The following RTN4 variants were observed in gnomAD, a reference collection of about 807,000 sequenced individuals.
The protein encoded by RTN4 is reticulon-4.
A neutral mutation model predicts 90.4 loss-of-function variants in RTN4; 32 were observed. The observed-to-expected ratio is 0.35, with a 90% CI of 0.27 to 0.48. RTN4 has a LOEUF of 0.48. RTN4 is among the 20% of genes least tolerant of loss of function. The probability of loss-of-function intolerance (pLI) is 0.99; values close to 1 mark genes in which losing one functional copy is unlikely to be tolerated. For missense variants in RTN4, 1,706 were observed against 1,430.2 expected (o/e 1.19, Z -3.11); for synonymous variants, 629 against 552.5 (o/e 1.14, Z -1.94).
chr2:54,975,187 C>T (rs1677519453), intron 5 of RTN4, among the ~76,000 whole-genome samples: 1 of 152,186 alleles, frequency 6.6e-6, no homozygotes, highest in Non-Finnish European at 1.5e-5. Flanking sequence ...AATATCTCAG[C>T]TGATAAGCAA....
At chr2:55,020,751 T>C (rs1681368257) in intron 3 of RTN4, among the ~76,000 whole-genome samples, 1 of 152,200 alleles carries the variant, frequency 6.6e-6, no homozygotes, top group Admixed American at 6.5e-5. Context: ...GGCTCACACC[T>C]GTAATCCCAG....
At chr2:55,077,965 G>A (rs939162883) in intron 2 of RTN4, among the ~76,000 whole-genome samples, 3 of 152,030 alleles carry the variant, frequency 2.0e-5, no homozygotes, top group African/African-American at 4.8e-5. Context: ...CTGTGAGGAT[G>A]CAAAGGCATA....
intron 1 of RTN4, among the ~76,000 whole-genome samples, chr2:55,032,083 G>A (rs540067137): frequency 1.1e-4 from 17 of 151,098 alleles, no homozygotes; most frequent in Non-Finnish European, 1.9e-4. Context: ...CGTTGGATTC[G>A]CACTTTTTTT....
chr2:55,011,120 A>C (rs1221400198), intron 3 of RTN4, among the ~76,000 whole-genome samples: 1 of 152,090 alleles, frequency 6.6e-6, no homozygotes, highest in African/African-American at 2.4e-5. Flanking sequence ...TGGCAACCTC[A>C]ACCTCCCAGG....
upstream of RTN4, among the ~76,000 whole-genome samples, chr2:55,115,200 G>C (rs1459352886): frequency 6.6e-6 from 1 of 152,198 alleles, no homozygotes; most frequent in Non-Finnish European, 1.5e-5. Context: ...AGTCTGACAT[G>C]AATCTTACTA....
chr2:55,045,389 A>G (rs1683354232), intron 1 of RTN4, among the ~76,000 whole-genome samples: 1 of 152,212 alleles, frequency 6.6e-6, no homozygotes, highest in Non-Finnish European at 1.5e-5. Flanking sequence ...ATACTCTTAT[A>G]TTCCTCCCTT....
chr2:55,122,936 A>G, the RTN4 span, among the ~76,000 whole-genome samples: 2 of 152,254 alleles, frequency 1.3e-5, no homozygotes, highest in African/African-American at 2.4e-5. Flanking sequence ...ATACAAATGT[A>G]CACATGGACA....
At chr2:55,052,089 G>A (rs1318946337), upstream of RTN4, among the ~76,000 whole-genome samples, 1 of 152,186 alleles carries the variant, frequency 6.6e-6, no homozygotes, top group Non-Finnish European at 1.5e-5. Flanking sequence ...GAACACAGAA[G>A]ATTTTGGGGG....
chr2:55,038,783 T>C (rs1034959464), intron 1 of RTN4, among the ~76,000 whole-genome samples: 1 of 152,190 alleles, frequency 6.6e-6, no homozygotes, highest in African/African-American at 2.4e-5. Flanking sequence ...TGAAAATATA[T>C]GCATACAAAA....
At chr2:55,119,188 C>T in the RTN4 span, among the ~76,000 whole-genome samples, 1 of 152,154 alleles carries the variant, frequency 6.6e-6, no homozygotes, top group South Asian at 2.1e-4. Flanking sequence ...AGCGCCCTGA[C>T]CTATTTTTTG....
At chr2:55,061,306 C>A (rs533988244) in intron 2 of RTN4, among the ~76,000 whole-genome samples, 2 of 152,208 alleles carry the variant, frequency 1.3e-5, no homozygotes, top group Admixed American at 1.3e-4. Flanking sequence ...TCAGGTGATC[C>A]ACCCACCATG....
rs201155529 is a variant in RTN4, at chr2:55,026,066, T to G, written c.2033A>C (p.Lys678Thr). The change falls in exon 3 of 9, where the codon AAA (lysine) becomes ACA (threonine). Residue 678 changes from lysine to threonine, a missense_variant. Lys to Thr is a moderately conservative substitution (Grantham distance 78). Coordinates refer to ENST00000337526, the MANE Select transcript of RTN4 (RefSeq NM_020532.5). ...KKVSGIKEEI[K>T]EPENINAALQ... ...AGCTGCATTAATATTTTCAGGCTCT[T>G]TAATTTCTTCCTTTATTCCTGATAC... The G allele has an allele frequency of 6.2e-7, 1 of 1,610,560 alleles. No individual in the cohort carries two copies. Among genetic ancestry groups the G allele is most frequent in the Non-Finnish European group, 8.5e-7 (1 of 1,179,158 alleles).
At chr2:55,069,964 A>G (rs1413698641) in intron 2 of RTN4, among the ~76,000 whole-genome samples, 2 of 152,182 alleles carry the variant, frequency 1.3e-5, no homozygotes, top group Admixed American at 6.5e-5. Flanking sequence ...AAAGCAGCAA[A>G]TGTGGGGTAA....
upstream of RTN4, among the ~76,000 whole-genome samples, chr2:55,054,555 G>C (rs894019895): frequency 1.3e-5 from 2 of 152,178 alleles, no homozygotes; most frequent in Admixed American, 6.5e-5. Context: ...AATTGTCCTT[G>C]AATTATGTAT....
At chr2:54,995,848 T>G (rs1033291386) in intron 3 of RTN4, among the ~76,000 whole-genome samples, 8 of 151,916 alleles carry the variant, frequency 5.3e-5, no homozygotes, top group African/African-American at 1.9e-4. Context: ...AACATACAAA[T>G]CCCATACAGA....
chr2:55,076,296 A>G (rs551393485), intron 2 of RTN4, among the ~76,000 whole-genome samples: 1 of 152,228 alleles, frequency 6.6e-6, no homozygotes, highest in East Asian at 1.9e-4. Flanking sequence ...AATTCTCAAA[A>G]GAAGATATAC....
In RTN4 at chr2:55,026,924, C is replaced by T. The variant is rs74974792; in HGVS notation, c.1175G>A (p.Arg392Gln). ...CTTACTATCTTTCACTTCCCATACT[C>T]GCTCAAATGGTTTGAAGTCTGCATA... ...EEYADFKPFE[R>Q]VWEVKDSKED... Residue 392 changes from arginine to glutamine, a missense_variant, in exon 3 of 9, where the codon CGA becomes CAA. Coordinates refer to ENST00000337526, the MANE Select transcript of RTN4 (RefSeq NM_020532.5). 9.6e-4 allele frequency: 1,546 copies of T among 1,613,694 alleles called. 13 individuals are homozygous for T. The African/African-American group carries it at 0.018, about 18-fold the overall frequency.
At chr2:55,034,650 G>C (rs917763875) in intron 1 of RTN4, among the ~76,000 whole-genome samples, 2 of 152,282 alleles carry the variant, frequency 1.3e-5, no homozygotes, top group African/African-American at 2.4e-5. Context: ...GAGAGAAAAT[G>C]ATATGAGATG....
intron 1 of RTN4, among the ~76,000 whole-genome samples, chr2:55,038,446 A>G (rs1023537263): frequency 2.6e-5 from 4 of 152,152 alleles, no homozygotes; most frequent in African/African-American, 9.7e-5. Flanking sequence ...AAGGCATACA[A>G]CACAATTTAA....
Sources: allele counts gnomAD v4.1 joint callset (sites outside exome capture counted in the v4.1 genomes callset), GRCh38; gene constraint gnomAD v4.1.1; transcripts MANE v1.5; gene names NCBI Gene and HGNC (gene_info 2026-07-23, HGNC 2026-07-21).